Variants in DLC1 observed in about 807,000 individuals in gnomAD.
DLC1 encodes the protein DLC1 Rho GTPase activating protein, also known as rho GTPase-activating protein 7.
In DLC1, 54 loss-of-function variants were observed where a neutral mutation model predicts 140.3. The observed-to-expected ratio is 0.38, with a 90% CI of 0.31 to 0.48. The LOEUF (loss-of-function observed/expected upper bound fraction) is 0.48, where lower values mean the gene tolerates loss of function less well. Ranked by LOEUF, DLC1 falls within the 20% of genes least tolerant of loss-of-function variation. DLC1 has a pLI of 0.96. For synonymous variants in DLC1, 986 were observed against 728.1 expected, an observed-to-expected ratio of 1.35 and a Z score of -5.70; for missense variants, 2,536 against 1,907.0, an observed-to-expected ratio of 1.33 and a Z score of -6.14.
At chr8:13,181,285 A>G (rs1325345864) in intron 5 of DLC1, among the ~76,000 whole-genome samples, 3 of 148,036 alleles carry the variant, frequency 2.0e-5, no homozygotes, top group African/African-American at 5.0e-5. Context: ...ATCTTTACTC[A>G]ATTGTCACTG....
rs189617496 is a variant in DLC1, at chr8:13,572,749, T to C, written c.-126+31788A>G. The stretch of plus-strand genomic sequence containing the variant: ...GTTGAAGATTCTGTTCTTTCCCCCA[T>C]TGAATGGTCTTAGCACCCTTGTGAA... On this transcript the variant is annotated intron_variant, in intron 1 of 1. Transcript: ENST00000631382. Among the ~76,000 whole-genome samples the C allele has an allele frequency of 1.6e-4, 24 of 152,308 alleles. No homozygotes were observed. In the East Asian group the frequency reaches 4.1e-3, roughly 26 times the overall value.
chr8:13,493,965 A>G (rs1030973391), intron 2 of DLC1, among the ~76,000 whole-genome samples: 2 of 152,230 alleles, frequency 1.3e-5, no homozygotes, highest in Non-Finnish European at 2.9e-5. Context: ...TATCAGTCAT[A>G]GACAATGTAT....
intron 1 of DLC1, among the ~76,000 whole-genome samples, chr8:13,540,924 G>A (rs900652782): frequency 6.6e-6 from 1 of 152,166 alleles, no homozygotes; most frequent in African/African-American, 2.4e-5. Context: ...ATAAATGCAG[G>A]TTCTTGACTG....
At chr8:13,123,299 C>G (rs1440345847) in intron 5 of DLC1, among the ~76,000 whole-genome samples, 2 of 152,040 alleles carry the variant, frequency 1.3e-5, no homozygotes, top group African/African-American at 4.8e-5. Flanking sequence ...CACCGGCCTC[C>G]TCTCATGCCC....
chr8:13,434,367 G>A (rs566245897), intron 2 of DLC1, among the ~76,000 whole-genome samples: 2 of 152,314 alleles, frequency 1.3e-5, no homozygotes, highest in East Asian at 3.9e-4. Flanking sequence ...TATGCAGTAT[G>A]AAGAAAACCA....
intron 5 of DLC1, among the ~76,000 whole-genome samples, chr8:13,252,767 CA>C (rs1410838900): frequency 6.6e-6 from 1 of 152,106 alleles, no homozygotes; most frequent in Non-Finnish European, 1.5e-5. Flanking sequence ...CGTCATGCTC[CA>C]AAGAACTGTT....
intron 12 of DLC1, among the ~76,000 whole-genome samples, 177 bp downstream of exon 12, chr8:13,094,582 C>A (rs1180553327): frequency 6.6e-6 from 1 of 152,068 alleles, no homozygotes; most frequent in Non-Finnish European, 1.5e-5. Flanking sequence ...GGGAGAATCG[C>A]TTGAACCTGG....
chr8:13,126,981 C>A (rs375798382), intron 5 of DLC1, among the ~76,000 whole-genome samples: 1 of 152,276 alleles, frequency 6.6e-6, no homozygotes, highest in South Asian at 2.1e-4. Flanking sequence ...TATCAAAGAC[C>A]AATGACAATG....
intron 5 of DLC1, among the ~76,000 whole-genome samples, chr8:13,189,331 T>G (rs1247262980): frequency 6.6e-6 from 1 of 152,160 alleles, no homozygotes. Context: ...ATAAATTGCG[T>G]GCTGGGTGCT....
chr8:13,470,928 T>C (rs762505448), intron 2 of DLC1, among the ~76,000 whole-genome samples: 3 of 152,146 alleles, frequency 2.0e-5, no homozygotes, highest in African/African-American at 7.2e-5. Flanking sequence ...TACACACCCA[T>C]ACACGTGCAT....
chr8:13,463,499 T>G (rs182876794), intron 2 of DLC1, among the ~76,000 whole-genome samples: 5 of 152,320 alleles, frequency 3.3e-5, no homozygotes, highest in African/African-American at 1.2e-4. Flanking sequence ...TTTTTCCCAT[T>G]GATTTCTTAT....
chr8:13,522,159 G>T (rs796786170), intron 1 of DLC1, among the ~76,000 whole-genome samples: 1 of 152,148 alleles, frequency 6.6e-6, no homozygotes, highest in Non-Finnish European at 1.5e-5. Flanking sequence ...GCGCAGTGGG[G>T]TATGGCATCA....
intron 2 of DLC1, among the ~76,000 whole-genome samples, chr8:13,421,340 T>G (rs1041627747): frequency 6.6e-6 from 1 of 152,144 alleles, no homozygotes; most frequent in African/African-American, 2.4e-5. Flanking sequence ...AAGTACCCAG[T>G]AGCGTCTATG....
chr8:13,564,152 G>A (rs1057193316), intron 1 of DLC1, among the ~76,000 whole-genome samples: 1 of 151,974 alleles, frequency 6.6e-6, no homozygotes, highest in African/African-American at 2.4e-5. Context: ...TATTCACAAG[G>A]CAATTAATCA....
At chr8:13,223,057 C>G (rs1355546105) in intron 5 of DLC1, among the ~76,000 whole-genome samples, 1 of 152,098 alleles carries the variant, frequency 6.6e-6, no homozygotes, top group African/African-American at 2.4e-5. Context: ...TTGGCCAGAC[C>G]TTTTTTTGAA....
At chr8:13,531,678 T>G (rs1168305587) in intron 1 of DLC1, among the ~76,000 whole-genome samples, 1 of 152,178 alleles carries the variant, frequency 6.6e-6, no homozygotes, top group African/African-American at 2.4e-5. Context: ...GAGGAATTAT[T>G]TCTTCTCTCT....
intron 14 of DLC1, among the ~76,000 whole-genome samples, chr8:13,090,809 C>T (rs201676450): frequency 6.5e-4 from 91 of 140,662 alleles, no homozygotes; most frequent in African/African-American, 2.2e-3. Flanking sequence ...TTCTTTCTTT[C>T]TTTTTTTTTT....
At position 13,253,089 on chromosome 8, in the gene DLC1, C is replaced by T. The variant is rs1372271919; in HGVS notation, c.1348+52180G>A. Among the ~76,000 whole-genome samples the T allele has an allele frequency of 2.0e-5, 3 of 152,114 alleles. No homozygotes were observed. The East Asian group carries it at 5.8e-4, about 29-fold the overall frequency. ...AGTCCCCAAAACTTGCAATAACATA[C>T]ACAGAATTTGGGTTAACTCCTGGAC... On this transcript the variant is annotated intron_variant, in intron 5 of 17. Coordinates refer to ENST00000276297, the MANE Select transcript of DLC1 (RefSeq NM_182643.3).
rs201662480 is a variant in DLC1, at chr8:13,105,134, C to T, written c.1503-2281G>A. 3.3e-5 allele frequency among the ~76,000 whole-genome samples: 5 copies of T among 152,214 alleles called. No individual in the cohort carries two copies. In the East Asian group the frequency reaches 9.7e-4, roughly 29 times the overall value. On this transcript the variant is annotated intron_variant, in intron 7 of 17. Coordinates refer to ENST00000276297, the MANE Select transcript of DLC1 (RefSeq NM_182643.3). Reference sequence around the variant, plus strand: ...CCTATGGGGCTGGAGAGGGGTTTAGCCTCACAAACTCCAGATTTTAGTCAA... The same window carrying T: ...CCTATGGGGCTGGAGAGGGGTTTAGTCTCACAAACTCCAGATTTTAGTCAA...
Sources: allele counts gnomAD v4.1 joint callset (sites outside exome capture counted in the v4.1 genomes callset), GRCh38; gene constraint gnomAD v4.1.1; transcripts MANE v1.5; gene names NCBI Gene and HGNC (gene_info 2026-07-23, HGNC 2026-07-21).